TOP2B: variants seen among roughly 807,000 people sequenced by gnomAD.
TOP2B encodes DNA topoisomerase II beta.
A neutral mutation model predicts 193.5 loss-of-function variants in TOP2B; 51 were observed. That is an observed-to-expected ratio of 0.26 (90% CI 0.21 to 0.33). The LOEUF (loss-of-function observed/expected upper bound fraction) is 0.33, where lower values mean the gene tolerates loss of function less well. Ranked by LOEUF, TOP2B falls within the 10% of genes least tolerant of loss-of-function variation. TOP2B has a pLI of 1.00. For synonymous variants in TOP2B, 634 were observed against 635.7 expected (o/e 1.00, Z 0.04); for missense variants, 1,378 against 1,909.3 (o/e 0.72, Z 5.19).
Position 25,598,184 on chromosome 3 carries a change from T to G in TOP2B, c.*123A>C. The G allele has an allele frequency of 2.8e-6, 3 of 1,053,242 alleles. No homozygotes were observed. In the South Asian group the frequency reaches 5.3e-5, roughly 18 times the overall value. 65.2% of individuals were successfully genotyped at this position (1,053,242 alleles called of 1,614,324 possible). Reference sequence around the variant, plus strand: ...CAAAATGTTAAAAGGCCTACCACAATAATAAAAAACCGTCAATTACATCAT... The same window carrying G: ...CAAAATGTTAAAAGGCCTACCACAAGAATAAAAAACCGTCAATTACATCAT... On this transcript the variant is annotated 3_prime_UTR_variant, in exon 36 of 36. Coordinates refer to ENST00000264331, the MANE Select transcript of TOP2B (RefSeq NM_001330700.2).
chr3:25,615,581 T>A lies in TOP2B; in HGVS notation c.3357A>T (p.Ala1119=). Residue 1119 remains alanine, a synonymous_variant, in exon 26 of 36, where the codon GCA becomes GCT. Coordinates refer to ENST00000264331, the MANE Select transcript of TOP2B (RefSeq NM_001330700.2). The stretch of plus-strand genomic sequence containing the variant: ...GCTGGTTTTGTGTTTCATCCTCTTC[T>A]GCTGCCTGTAAAAAATAACAAACTG... ...KAWKEAQEKA[A]EEDETQNQHD... 1.3e-6 allele frequency: 2 copies of A among 1,535,476 alleles called. No individual in the cohort carries two copies. The highest frequency in any genetic ancestry group is 8.7e-7 in the Non-Finnish European group (1 of 1,144,626).
intron 15 of TOP2B, 110 bp from the exon 16 acceptor site, chr3:25,627,406 C>CTATA: frequency 1.7e-6 from 1 of 603,330 alleles, no homozygotes; most frequent in East Asian, 2.8e-5. Flanking sequence ...CTGGCAACAC[C>CTATA]TATACTAAGT....
Position 25,637,368 on chromosome 3 carries a change from G to A in TOP2B, c.542-56C>T, listed in dbSNP as rs148926277. Reference sequence around the variant, plus strand: ...GTAAAAATGATTTTAAAGGAACTTCGTTAATTTACCACCATACGGCAAGGC... The same window carrying A: ...GTAAAAATGATTTTAAAGGAACTTCATTAATTTACCACCATACGGCAAGGC... On this transcript the variant is annotated intron_variant, in intron 5 of 35. Coordinates refer to ENST00000264331, the MANE Select transcript of TOP2B (RefSeq NM_001330700.2). The A allele has an allele frequency of 8.5e-4, 1,132 of 1,333,072 alleles. 12 individuals are homozygous for A. The African/African-American group carries it at 0.014, about 17-fold the overall frequency. The allele number at this position is 1,333,072 out of a possible 1,614,324, so 82.6% of individuals were successfully genotyped here.
chr3:25,663,077 A>C (rs1315759570), intron 1 of TOP2B, among the ~76,000 whole-genome samples: 1 of 152,218 alleles, frequency 6.6e-6, no homozygotes, highest in Non-Finnish European at 1.5e-5. Flanking sequence ...ACATTCAAAG[A>C]ATTTCAACAA....
chr3:25,642,754 T>C (rs1199375089), intron 3 of TOP2B, among the ~76,000 whole-genome samples: 1 of 152,156 alleles, frequency 6.6e-6, no homozygotes, highest in Non-Finnish European at 1.5e-5. Flanking sequence ...TTGCATTCTA[T>C]TGATCACTTT....
intron 18 of TOP2B, among the ~76,000 whole-genome samples, chr3:25,626,063 A>C (rs1215246000): frequency 6.6e-6 from 1 of 151,508 alleles, no homozygotes; most frequent in Non-Finnish European, 1.5e-5. Flanking sequence ...GGTTATGAGA[A>C]AAAAAAAAGT....
Position 25,604,809 on chromosome 3 carries a change from A to C in TOP2B, c.4440T>G (p.Gly1480=). 1 of 1,613,054 alleles carries C rather than the reference A, an allele frequency of 6.2e-7. No individual in the cohort carries two copies. The highest frequency in any genetic ancestry group is 8.5e-7 in the Non-Finnish European group (1 of 1,179,420). The change falls in exon 33 of 36, where the codon GGT becomes GGG. Residue 1480 remains glycine (G), a synonymous_variant. Coordinates refer to ENST00000264331, the MANE Select transcript of TOP2B (RefSeq NM_001330700.2). ...DSASVFSPSF[G]LKQTDKVPSK... ...TTGGAACTTTATCTGTCTGTTTCAG[A>C]CCAAATGATGGTGAAAAAACAGAAG...
chr3:25,640,176 T>C (rs556081535), intron 4 of TOP2B, among the ~76,000 whole-genome samples: 1 of 152,282 alleles, frequency 6.6e-6, no homozygotes, highest in East Asian at 1.9e-4. Flanking sequence ...TTCTATAGTA[T>C]ATGTGGTAAA....
chr3:25,650,068 C>CA (rs1255430113), intron 1 of TOP2B, among the ~76,000 whole-genome samples: 1 of 151,734 alleles, frequency 6.6e-6, no homozygotes, highest in Non-Finnish European at 1.5e-5. Context: ...GATTAGTAAA[C>CA]AAAAAAAGTC....
At chr3:25,598,605 T>C (rs1701995442) in intron 35 of TOP2B, 128 bp from the exon 36 acceptor site, 1 of 687,616 alleles carries the variant, frequency 1.5e-6, no homozygotes, top group Non-Finnish European at 2.2e-6. Context: ...AAAATTAGAA[T>C]CATAATGCTA....
intron 23 of TOP2B, 121 bp downstream of exon 23, chr3:25,619,741 A>G: frequency 2.0e-6 from 1 of 506,512 alleles, no homozygotes; most frequent in Non-Finnish European, 3.3e-6. Flanking sequence ...AGGATGGGAA[A>G]AAAAAAAAAA....
chr3:25,605,458 C>CA (rs765616751), intron 32 of TOP2B, among the ~76,000 whole-genome samples: 1 of 151,992 alleles, frequency 6.6e-6, no homozygotes, highest in East Asian at 1.9e-4. Flanking sequence ...TCTTTTGACA[C>CA]ACTGTCAAAA....
At chr3:25,620,957 T>C (rs1702644440) in intron 21 of TOP2B, 141 bp from the exon 22 acceptor site, 1 of 866,124 alleles carries the variant, frequency 1.2e-6, no homozygotes, top group Non-Finnish European at 1.7e-6. Context: ...TCAATTAAGC[T>C]TGAATTCATA....
chr3:25,664,286 C>T lies in TOP2B; in HGVS notation c.12G>A (p.Ser4=). ...CGCCGGCTCCCGCGCCGCAGCCACC[C>T]GACTTGGCCATGGCGAGTGCCTCCA... is the stretch of plus-strand genomic sequence containing the variant. MAK[S]GGCGAGAGVG... The change falls in exon 1 of 36, where the codon TCG becomes TCA. Residue 4 remains serine, a synonymous_variant. Coordinates refer to ENST00000264331, the MANE Select transcript of TOP2B (RefSeq NM_001330700.2). 1 of 1,534,200 alleles carries T rather than the reference C, an allele frequency of 6.5e-7. No homozygotes were observed. The highest frequency in any genetic ancestry group is 8.7e-7 in the Non-Finnish European group (1 of 1,145,152).
chr3:25,659,745 A>C (rs1703854482), intron 1 of TOP2B, among the ~76,000 whole-genome samples: 1 of 152,244 alleles, frequency 6.6e-6, no homozygotes, highest in African/African-American at 2.4e-5. Context: ...TTAGTAGAAA[A>C]AGACAGGTAT....
intron 21 of TOP2B, among the ~76,000 whole-genome samples, chr3:25,621,786 C>T (rs58630965): frequency 6.6e-6 from 1 of 151,970 alleles, no homozygotes; most frequent in Admixed American, 6.6e-5. Context: ...GCCAGGAGTT[C>T]GAGACCAGCC....
In TOP2B at chr3:25,664,426, G is replaced by C. The variant is rs1197466775; in HGVS notation, c.-129C>G. On this transcript the variant is annotated 5_prime_UTR_variant, in exon 1 of 36. Transcript: ENST00000264331. ...CACTCCTAGCCGCGCCGACCCCCGC[G>C]CCCCATCGCGAAGATCCGGAGCGGA... 7.9e-7 allele frequency: 1 copy of C among 1,268,112 alleles called. No individual in the cohort carries two copies. 78.6% of individuals were successfully genotyped at this position (1,268,112 alleles called of 1,614,324 possible).
intron 21 of TOP2B, among the ~76,000 whole-genome samples, chr3:25,622,037 T>C (rs1325307588): frequency 1.3e-5 from 2 of 152,020 alleles, no homozygotes; most frequent in Non-Finnish European, 2.9e-5. Flanking sequence ...GCATAGGACA[T>C]TTCTTCTGGC....
chr3:25,640,791 T>C (rs1464546631), intron 4 of TOP2B, among the ~76,000 whole-genome samples: 1 of 140,674 alleles, frequency 7.1e-6, no homozygotes, highest in African/African-American at 2.6e-5. Flanking sequence ...GGGGTCTCGC[T>C]CTGTCGCCCA....
Sources: gnomAD v4.1 joint callset for allele counts (sites outside exome capture counted in the v4.1 genomes callset) on GRCh38, gnomAD v4.1.1 for gene constraint, MANE v1.5 for transcripts, NCBI Gene and HGNC (gene_info 2026-07-23, HGNC 2026-07-21) for gene names.